Variants in DCHS2 observed in about 807,000 individuals in gnomAD.
The protein encoded by DCHS2 is dachsous cadherin-related 2, also known as protocadherin-23.
Under a neutral mutation model 182.4 loss-of-function variants are expected in DCHS2, and 142 were observed. The ratio of observed to expected loss-of-function variants is 0.78; its 90% CI spans 0.68 to 0.89. The LOEUF is 0.89. Among genes scored for constraint, DCHS2 ranks in the 40% least tolerant of loss-of-function variants. DCHS2 has a pLI of 0.00. For synonymous variants in DCHS2, 1,740 were observed against 1,663.3 expected (o/e 1.05, Z -1.12); for missense variants, 4,319 against 4,198.6 (o/e 1.03, Z -0.79).
At position 154,489,306 on chromosome 4, in the gene DCHS2, G is replaced by A. The variant is rs555831183; in HGVS notation, c.2050C>T (p.Gln684Ter). ...GCCCACAGGCCTGATGCACTCACCTGCAGAAAGCAGTGTCCAACCGGGGCA... is the reference window on the plus strand; with the variant it reads ...GCCCACAGGCCTGATGCACTCACCTACAGAAAGCAGTGTCCAACCGGGGCA... Reference protein sequence around the residue: ...EHAPVGHCFLQVTASDADSGL... With the variant: ...EHAPVGHCFL Residue 684 changes from glutamine to a stop codon, truncating the protein, a stop_gained and splice_region_variant, in exon 1 of 20, where the codon CAG becomes TAG. Transcript: ENST00000357232. LOFTEE classifies it high-confidence loss of function. The A allele has an allele frequency of 5.9e-6, 9 of 1,513,246 alleles. No homozygotes were observed. The highest frequency in any genetic ancestry group is 2.0e-5 in the Admixed American group (1 of 49,222). 93.7% of individuals were successfully genotyped at this position (1,513,246 alleles called of 1,614,324 possible).
intron 3 of DCHS2, among the ~76,000 whole-genome samples, chr4:154,352,190 G>A (rs1280385438): frequency 6.6e-6 from 1 of 151,966 alleles, no homozygotes; most frequent in South Asian, 2.1e-4. Context: ...TTTCTATATG[G>A]ACTTCCAAGA....
At position 154,489,512 on chromosome 4, in the gene DCHS2, A is replaced by C; in HGVS notation, c.1844T>G (p.Ile615Ser). ...TCGGTCTAGAGTCCGGATAGTGCTG[A>C]TCGCACCGCTTTCGGAATCAATGGC... ...SFAIDSESGA[I>S]STIRTLDREV... The change falls in exon 1 of 20, where the codon ATC becomes AGC. Residue 615 changes from isoleucine to serine, a missense_variant. Ile to Ser is a moderately radical substitution (Grantham distance 142). Transcript: ENST00000357232. 6.4e-7 allele frequency: 1 copy of C among 1,551,650 alleles called. No individual in the cohort carries two copies. Among genetic ancestry groups the C allele is most frequent in the South Asian group, 1.2e-5 (1 of 84,048 alleles).
chr4:154,483,881 C>T (rs1423493494), intron 1 of DCHS2, among the ~76,000 whole-genome samples: 1 of 152,198 alleles, frequency 6.6e-6, no homozygotes, highest in Admixed American at 6.5e-5. Flanking sequence ...CTGACACTTT[C>T]ACAGCTTTAA....
chr4:154,345,050 G>C (rs1729295012), intron 3 of DCHS2, among the ~76,000 whole-genome samples: 2 of 152,290 alleles, frequency 1.3e-5, no homozygotes, highest in African/African-American at 4.8e-5. Context: ...TCCTCCTGTT[G>C]TCCAGTTTCC....
At chr4:154,248,169 C>T (rs1464129590) in intron 16 of DCHS2, among the ~76,000 whole-genome samples, 2 of 151,914 alleles carry the variant, frequency 1.3e-5, no homozygotes, top group African/African-American at 4.8e-5. Flanking sequence ...AAACTGGGGG[C>T]TTGAGGAGTA....
intron 12 of DCHS2, among the ~76,000 whole-genome samples, chr4:154,302,725 T>C (rs550807897): frequency 3.3e-4 from 49 of 149,284 alleles, no homozygotes; most frequent in African/African-American, 1.2e-3. Flanking sequence ...GGTGGAGACT[T>C]TGGGACCATG....
chr4:154,278,035 C>T (rs1361662971), intron 13 of DCHS2, among the ~76,000 whole-genome samples: 1 of 53,088 alleles, frequency 1.9e-5, no homozygotes, highest in Admixed American at 1.9e-4. Flanking sequence ...AGCAAGACTC[C>T]ATCACACACA....
At position 154,239,239 on chromosome 4, in the gene DCHS2, C is replaced by T. The variant is rs2111097737; in HGVS notation, c.7423G>A (p.Glu2475Lys). The T allele has an allele frequency of 6.2e-7, 1 of 1,613,438 alleles. No homozygotes were observed. Among genetic ancestry groups the T allele is most frequent in the Non-Finnish European group, 8.5e-7 (1 of 1,179,704 alleles). The change falls in exon 19 of 20, where the codon GAA becomes AAA. Residue 2475 changes from glutamate (E) to lysine (K), a missense_variant. Physicochemically the swap from Glu to Lys is moderately conservative, Grantham distance 56. Coordinates refer to ENST00000357232, the MANE Select transcript of DCHS2 (RefSeq NM_001358235.2). ...CTGTAAGAAATGTTCTCATTGCTTT[C>T]TAAGTCTGTGGCTGACAGAGTCAGC... ...SVLTLSATDL[E>K]SNENISYRIL... is the part of the protein sequence containing the mutation.
At chr4:154,357,462 C>A in intron 3 of DCHS2, 1 of 614,838 alleles carries the variant, frequency 1.6e-6, no homozygotes, top group South Asian at 2.0e-5. Context: ...CTTTCTGAGC[C>A]CAGCTATCAC....
intron 1 of DCHS2, among the ~76,000 whole-genome samples, chr4:154,471,919 C>T (rs960002912): frequency 6.6e-6 from 1 of 152,108 alleles, no homozygotes; most frequent in Admixed American, 6.6e-5. Context: ...ACTGCTGGAG[C>T]TTTCAGACTG....
intron 3 of DCHS2, among the ~76,000 whole-genome samples, chr4:154,335,483 C>G (rs1363412178): frequency 6.6e-6 from 1 of 152,278 alleles, no homozygotes; most frequent in Non-Finnish European, 1.5e-5. Flanking sequence ...TCCTAGGTCT[C>G]GAGCCTGCTG....
chr4:154,378,237 C>A (rs1346473236), intron 1 of DCHS2, among the ~76,000 whole-genome samples: 1 of 152,050 alleles, frequency 6.6e-6, no homozygotes, highest in Non-Finnish European at 1.5e-5. Flanking sequence ...TATGAAAGCA[C>A]TTAACTTATT....
At chr4:154,324,739 TA>T (rs1701663925) in intron 7 of DCHS2, among the ~76,000 whole-genome samples, 1 of 151,998 alleles carries the variant, frequency 6.6e-6, no homozygotes, top group Non-Finnish European at 1.5e-5. Context: ...TAAAAGCAAA[TA>T]AAAAAGAACC....
chr4:154,442,540 C>T (rs1344003395), intron 1 of DCHS2, among the ~76,000 whole-genome samples: 3 of 66,742 alleles, frequency 4.5e-5, no homozygotes, highest in African/African-American at 1.4e-4. Flanking sequence ...CCCCCCCCCC[C>T]CCACACACAC....
At chr4:154,403,368 T>A (rs1175216658) in intron 1 of DCHS2, among the ~76,000 whole-genome samples, 2 of 152,208 alleles carry the variant, frequency 1.3e-5, no homozygotes, top group African/African-American at 4.8e-5. Context: ...CTCAAATAAG[T>A]GTTGTTTTTT....
intron 13 of DCHS2, among the ~76,000 whole-genome samples, chr4:154,282,504 A>T (rs982466639): frequency 3.6e-5 from 5 of 137,628 alleles, no homozygotes; most frequent in East Asian, 3.9e-4. Flanking sequence ...ATCAAAAATT[A>T]AAAAAAAAAC....
At position 154,304,762 on chromosome 4, in the gene DCHS2, C is replaced by A; in HGVS notation, c.5512G>T (p.Val1838Phe). Residue 1838 changes from valine to phenylalanine, a missense_variant, in exon 12 of 20, where the codon GTT (valine) becomes TTT (phenylalanine). Val to Phe is a conservative substitution (Grantham distance 50, BLOSUM62 -1). Transcript: ENST00000357232. The stretch of plus-strand genomic sequence containing the variant: ...ACCTCTGGTTCCTGGTTTTCCAGAA[C>A]CTCAATGTCATAACTGGAAACAATA... ...EFIVSSYDIE[V>F]LENQEPEVVY... 6.2e-7 allele frequency: 1 copy of A among 1,614,038 alleles called. No homozygotes were observed. The highest frequency in any genetic ancestry group is 8.5e-7 in the Non-Finnish European group (1 of 1,179,974).
intron 1 of DCHS2, among the ~76,000 whole-genome samples, chr4:154,424,351 T>C (rs1367303073): frequency 6.6e-6 from 1 of 152,186 alleles, no homozygotes; most frequent in Non-Finnish European, 1.5e-5. Context: ...AGCAAATGTG[T>C]GTACTCTCTA....
intron 1 of DCHS2, among the ~76,000 whole-genome samples, chr4:154,466,952 C>T (rs1296863498): frequency 1.3e-5 from 2 of 152,146 alleles, no homozygotes; most frequent in African/African-American, 4.8e-5. Context: ...AGAGAGCTCT[C>T]TTTCCCATAT....
Sources: allele counts gnomAD v4.1 joint callset (sites outside exome capture counted in the v4.1 genomes callset), GRCh38; gene constraint gnomAD v4.1.1; transcripts MANE v1.5; gene names NCBI Gene and HGNC (gene_info 2026-07-23, HGNC 2026-07-21).